The following CNTNAP5 variants were observed in gnomAD, a reference collection of about 807,000 sequenced individuals.
The protein encoded by CNTNAP5 is contactin-associated protein-like 5.
In CNTNAP5, 72 loss-of-function variants were observed where a neutral mutation model predicts 150.2. The observed-to-expected ratio is 0.48, with a 90% confidence interval of 0.40 to 0.58. The LOEUF is 0.58. Among genes scored for constraint, CNTNAP5 ranks in the 20% least tolerant of loss-of-function variants. The pLI, the probability that CNTNAP5 is intolerant of heterozygous loss-of-function variation, is 0.00. For synonymous variants in CNTNAP5, 672 were observed against 619.8 expected (o/e 1.08, Z -1.25); for missense variants, 1,636 against 1,626.2 (o/e 1.01, Z -0.10).
chr2:124,094,249 T>C (rs1487302917), intron 1 of CNTNAP5, among the ~76,000 whole-genome samples: 2 of 152,196 alleles, frequency 1.3e-5, no homozygotes, highest in East Asian at 3.9e-4. Context: ...CATTTCAGAG[T>C]GCAGAAATAG....
At chr2:124,392,753 G>A (rs1691153009) in intron 3 of CNTNAP5, among the ~76,000 whole-genome samples, 1 of 142,120 alleles carries the variant, frequency 7.0e-6, no homozygotes. Flanking sequence ...AGGAAGGGAA[G>A]GAGAATGAAA....
At chr2:124,561,121 G>T (rs1343602528) in intron 10 of CNTNAP5, among the ~76,000 whole-genome samples, 1 of 136,782 alleles carries the variant, frequency 7.3e-6, no homozygotes. Flanking sequence ...TGTGTGCTGT[G>T]GGGAGGGGAT....
intron 3 of CNTNAP5, among the ~76,000 whole-genome samples, chr2:124,412,319 G>A (rs911071879): frequency 2.0e-5 from 3 of 149,710 alleles, no homozygotes; most frequent in African/African-American, 7.3e-5. Flanking sequence ...GTAATTTACA[G>A]ATTCAATGCC....
At chr2:124,656,028 G>A (rs78250858) in intron 13 of CNTNAP5, among the ~76,000 whole-genome samples, 6,757 of 126,262 alleles carry the variant, frequency 0.054, 615 homozygotes, top group African/African-American at 0.19. Context: ...GGAAGGGAGG[G>A]CACACCTTGG....
chr2:124,043,574 G>A (rs551855463), intron 1 of CNTNAP5, among the ~76,000 whole-genome samples: 14 of 151,840 alleles, frequency 9.2e-5, no homozygotes, highest in Admixed American at 2.6e-4. Flanking sequence ...CCATCATCAT[G>A]TTCTCCTATT....
chr2:124,615,979 A>G (rs1453134851), intron 12 of CNTNAP5, among the ~76,000 whole-genome samples: 1 of 152,158 alleles, frequency 6.6e-6, no homozygotes, highest in Non-Finnish European at 1.5e-5. Flanking sequence ...GGAGTTCTCA[A>G]TGGTGGGCTT....
chr2:124,500,840 A>T (rs1370665926), intron 7 of CNTNAP5, among the ~76,000 whole-genome samples: 4 of 150,466 alleles, frequency 2.7e-5, no homozygotes, highest in Non-Finnish European at 5.9e-5. Context: ...TAGGAACAAT[A>T]GGAGACCTAC....
intron 3 of CNTNAP5, among the ~76,000 whole-genome samples, chr2:124,280,387 C>T (rs1687983608): frequency 6.6e-6 from 1 of 152,060 alleles, no homozygotes; most frequent in Non-Finnish European, 1.5e-5. Context: ...CCAGACTGGT[C>T]TCGAACTCCT....
chr2:124,041,540 G>A (rs1681372438), intron 1 of CNTNAP5, among the ~76,000 whole-genome samples: 1 of 152,154 alleles, frequency 6.6e-6, no homozygotes, highest in Non-Finnish European at 1.5e-5. Flanking sequence ...AATTAGTTTA[G>A]TTTGTGCTTC....
At chr2:124,525,555 G>A (rs530629899) in intron 9 of CNTNAP5, among the ~76,000 whole-genome samples, 86 of 152,296 alleles carry the variant, frequency 5.6e-4, no homozygotes, top group African/African-American at 1.9e-3. Flanking sequence ...TCATACCAAT[G>A]GAATGTGGTT....
intron 19 of CNTNAP5, among the ~76,000 whole-genome samples, chr2:124,839,480 C>T (rs936875194): frequency 2.0e-5 from 3 of 151,826 alleles, no homozygotes; most frequent in African/African-American, 7.3e-5. Flanking sequence ...CTCCTATGGC[C>T]TCAGAGCTAG....
intron 19 of CNTNAP5, among the ~76,000 whole-genome samples, chr2:124,823,314 T>C (rs1254323224): frequency 6.6e-6 from 1 of 152,152 alleles, no homozygotes; most frequent in African/African-American, 2.4e-5. Flanking sequence ...TTAGAGCCAT[T>C]CACTATATAT....
intron 12 of CNTNAP5, among the ~76,000 whole-genome samples, chr2:124,642,111 A>G (rs574129090): frequency 6.6e-6 from 1 of 152,310 alleles, no homozygotes; most frequent in African/African-American, 2.4e-5. Flanking sequence ...AGCCAGAGGA[A>G]CAAGGTAGGT....
intron 19 of CNTNAP5, among the ~76,000 whole-genome samples, chr2:124,845,037 G>A (rs1683019650): frequency 6.6e-6 from 1 of 151,912 alleles, no homozygotes; most frequent in South Asian, 2.1e-4. Context: ...GGTAAAAGTG[G>A]GCATCCTTGT....
chr2:124,150,047 T>C (rs1315817576), intron 1 of CNTNAP5, among the ~76,000 whole-genome samples: 1 of 152,192 alleles, frequency 6.6e-6, no homozygotes, highest in Non-Finnish European at 1.5e-5. Context: ...AATGGTGAAG[T>C]GGGAAAGCCC....
At chr2:124,786,996 T>TC (rs1264341367) in intron 17 of CNTNAP5, among the ~76,000 whole-genome samples, 3 of 152,086 alleles carry the variant, frequency 2.0e-5, no homozygotes, top group Non-Finnish European at 2.9e-5. Flanking sequence ...ATTGAAATAA[T>TC]CCCCCAGATT....
chr2:124,734,301 C>G (rs1343477369), intron 13 of CNTNAP5, among the ~76,000 whole-genome samples: 2 of 151,976 alleles, frequency 1.3e-5, no homozygotes, highest in Non-Finnish European at 1.5e-5. Flanking sequence ...ATGTTATCAT[C>G]TTCCCATGGA....
At chr2:124,876,726 G>T (rs191462319) in intron 21 of CNTNAP5, among the ~76,000 whole-genome samples, 23 of 152,078 alleles carry the variant, frequency 1.5e-4, no homozygotes, top group Admixed American at 9.2e-4. Flanking sequence ...GTCATACATA[G>T]TTCTTTAGTA....
intron 3 of CNTNAP5, among the ~76,000 whole-genome samples, chr2:124,295,420 A>G (rs1031220268): frequency 1.3e-5 from 2 of 152,184 alleles, no homozygotes; most frequent in Non-Finnish European, 2.9e-5. Flanking sequence ...TTCTTTCAGT[A>G]CAATATTATT....
Sources: allele counts gnomAD v4.1 joint callset (sites outside exome capture counted in the v4.1 genomes callset), GRCh38; gene constraint gnomAD v4.1.1; transcripts MANE v1.5; gene names NCBI Gene and HGNC (gene_info 2026-07-23, HGNC 2026-07-21).